Variants in DOP1A observed in about 807,000 individuals in gnomAD.
The protein encoded by DOP1A is protein DOP1A.
DOP1A carries 90 observed loss-of-function variants against 267.6 expected under a neutral mutation model. The ratio of observed to expected loss-of-function variants is 0.34; its 90% CI spans 0.28 to 0.40. The LOEUF (loss-of-function observed/expected upper bound fraction) is 0.40, where lower values mean the gene tolerates loss of function less well. DOP1A is among the 10% of genes least tolerant of loss of function. DOP1A has a pLI of 1.00. For missense variants in DOP1A, 2,437 were observed against 2,900.4 expected, an observed-to-expected ratio of 0.84 and a Z score of 3.67; for synonymous variants, 932 against 999.1, an observed-to-expected ratio of 0.93 and a Z score of 1.27.
Position 83,147,234 on chromosome 6 carries a change from A to G in DOP1A, c.5677-2A>G. On this transcript the variant is annotated splice_acceptor_variant, in intron 25 of 38. Coordinates refer to ENST00000349129, the MANE Select transcript of DOP1A (RefSeq NM_015018.4). LOFTEE classifies it high-confidence loss of function. ...TACAAAATTGATTTCTTTTATTTAT[A>G]GAAACATCTTTCTTTGGAAGTCTGC... 6.9e-7 allele frequency: 1 copy of G among 1,451,766 alleles called. No individual in the cohort carries two copies. The highest frequency in any genetic ancestry group is 2.3e-5 in the East Asian group (1 of 42,942). 89.9% of individuals were successfully genotyped at this position (1,451,766 alleles called of 1,614,324 possible).
chr6:83,105,615 G>A (rs780140440), intron 4 of DOP1A, among the ~76,000 whole-genome samples: 1 of 151,902 alleles, frequency 6.6e-6, no homozygotes, highest in Non-Finnish European at 1.5e-5. Flanking sequence ...CGCCTGCCTC[G>A]GCCTCCCAAA....
Position 83,140,410 on chromosome 6 carries a change from C to T in DOP1A, c.5415+7C>T. The T allele has an allele frequency of 6.3e-7, 1 of 1,592,284 alleles. No individual in the cohort carries two copies. Among genetic ancestry groups the T allele is most frequent in the Non-Finnish European group, 8.5e-7 (1 of 1,171,666 alleles). On this transcript the variant is annotated splice_region_variant and intron_variant, in intron 23 of 38. Coordinates refer to ENST00000349129, the MANE Select transcript of DOP1A (RefSeq NM_015018.4). ...TAATCTTGGAGCTACAAAGGTTAGACAATTCATATTTAATCTGTAGAGCTC... is the reference window on the plus strand; with the variant it reads ...TAATCTTGGAGCTACAAAGGTTAGATAATTCATATTTAATCTGTAGAGCTC...
At position 83,141,900 on chromosome 6, in the gene DOP1A, ATTTGCTTCAAATTGT is replaced by A; in HGVS notation, c.5416-17_5416-3del. The A allele has an allele frequency of 6.3e-7, 1 of 1,575,594 alleles. No individual in the cohort carries two copies. The highest frequency in any genetic ancestry group is 8.6e-7 in the Non-Finnish European group (1 of 1,167,986). ...TTCATTTTTTAAAAGTTTCACTTTC[ATTTGCTTCAAATTGT>A]TTTAGAACTTGAGACAACAGATTCT... On this transcript the variant is annotated splice_polypyrimidine_tract_variant and splice_region_variant and intron_variant, in intron 23 of 38. Transcript: ENST00000349129.
chr6:83,102,613 G>T (rs1319067136), intron 4 of DOP1A, among the ~76,000 whole-genome samples: 2 of 152,114 alleles, frequency 1.3e-5, no homozygotes, highest in East Asian at 1.9e-4. Context: ...TCTAGCTCAG[G>T]CTTCGTCACT....
chr6:83,168,658 C>T, downstream of DOP1A: 1 of 994,974 alleles, frequency 1.0e-6, no homozygotes, highest in Non-Finnish European at 1.2e-6. Flanking sequence ...GACCATGCAT[C>T]CTTAAAAGTA....
chr6:83,163,124 C>A (rs766967956), intron 38 of DOP1A, among the ~76,000 whole-genome samples: 1 of 151,928 alleles, frequency 6.6e-6, no homozygotes, highest in Admixed American at 6.6e-5. Context: ...AAGGAATATG[C>A]GGTTATTCAT....
At position 83,167,762 on chromosome 6, in the gene DOP1A, T is replaced by C. The variant is rs548948427; in HGVS notation, c.7093-100T>C. ...GTTAGAAACTTAATGTCATTTGTAT[T>C]CATTTCTTGACCAATTGCCAAAGTT... On this transcript the variant is annotated intron_variant, in intron 38 of 38. Transcript: ENST00000349129. 2.8e-6 allele frequency: 4 copies of C among 1,452,590 alleles called. No individual in the cohort carries two copies. The East Asian group carries it at 7.5e-5, about 27-fold the overall frequency. The allele number at this position is 1,452,590 out of a possible 1,614,324, so 90.0% of individuals were successfully genotyped here.
chr6:83,153,693 C>A, intron 31 of DOP1A, 73 bp downstream of exon 31: 4 of 1,277,522 alleles, frequency 3.1e-6, no homozygotes, highest in East Asian at 2.5e-5. Flanking sequence ...TCCCTTATTG[C>A]CATTTCTAGA....
rs146313127 is a variant in DOP1A at position 83,148,762 on chromosome 6, T to G, written c.5736T>G (p.Ile1912Met). 6.5e-7 allele frequency: 1 copy of G among 1,546,522 alleles called. No homozygotes were observed. Among genetic ancestry groups the G allele is most frequent in the Non-Finnish European group, 8.7e-7 (1 of 1,155,764 alleles). Reference sequence around the variant, plus strand: ...TATAAACTATATTATCTTGCAGAATTCCAGTGCCCAATTTAGTGGATAGCT... The same window carrying G: ...TATAAACTATATTATCTTGCAGAATGCCAGTGCCCAATTTAGTGGATAGCT... Reference protein sequence around the residue: ...LQFFYAYIQRIPVPNLVDSWA... With the variant: ...LQFFYAYIQRMPVPNLVDSWA... The change falls in exon 27 of 39, where the codon ATT becomes ATG. Residue 1912 changes from isoleucine to methionine, a missense_variant. This residue lies in a region of DOP1A where 216 missense variants were observed against 283.3 expected (regional missense o/e 0.76). Transcript: ENST00000349129.
chr6:83,118,251 T>G (rs994182021), intron 7 of DOP1A, among the ~76,000 whole-genome samples: 1 of 152,164 alleles, frequency 6.6e-6, no homozygotes, highest in Non-Finnish European at 1.5e-5. Flanking sequence ...TTTTATAAAT[T>G]TACCTCTTTT....
chr6:83,082,656 A>C (rs1768322686), intron 1 of DOP1A, among the ~76,000 whole-genome samples: 1 of 152,226 alleles, frequency 6.6e-6, no homozygotes, highest in East Asian at 1.9e-4. Context: ...AAGTGTTCTT[A>C]CCACAAAAAT....
chr6:83,158,653 AT>A (rs749575766), intron 36 of DOP1A, 31 bp downstream of exon 36: 16 of 1,460,326 alleles, frequency 1.1e-5, no homozygotes, highest in Admixed American at 1.8e-5. Context: ...ATTGTTGTCC[AT>A]TTTTTAATAC....
chr6:83,164,547 C>CT (rs1784985696), intron 38 of DOP1A: 2 of 1,013,332 alleles, frequency 2.0e-6, no homozygotes, highest in Admixed American at 4.1e-5. Flanking sequence ...AATAAGAAAA[C>CT]TATTTTGATT....
chr6:83,130,967 G>A (rs186801673), intron 17 of DOP1A, among the ~76,000 whole-genome samples: 146 of 151,998 alleles, frequency 9.6e-4, no homozygotes, highest in Admixed American at 9.1e-3. Context: ...TCAAACTCCC[G>A]ACCTCAGTAA....
rs756913283 is a variant in DOP1A, at chr6:83,162,881, G to A, written c.7054G>A (p.Val2352Met). The part of the protein sequence containing the change: ...GIHQREFKPY[V>M]VRLAKLLRKR... ...ACATCAACGAGAATTTAAACCTTAC[G>A]TGGTACGACTAGCAAAACTTCTTCG... Residue 2352 changes from valine to methionine, a missense_variant, in exon 38 of 39, where the codon GTG becomes ATG. Physicochemically the swap from Val to Met is conservative, Grantham distance 21. Around this residue, in one of 9 missense-constraint regions of DOP1A, gnomAD observed 197 missense variants for 246.5 expected, o/e 0.80. Transcript: ENST00000349129. 7 of 1,613,046 alleles carry A rather than the reference G, an allele frequency of 4.3e-6. No homozygotes were observed. In the East Asian group the frequency reaches 6.7e-5, roughly 15 times the overall value.
In DOP1A at chr6:83,125,635, A is replaced by G; in HGVS notation, c.1621A>G (p.Ser541Gly). The G allele has an allele frequency of 6.2e-7, 1 of 1,613,880 alleles. No individual in the cohort carries two copies. The change falls in exon 15 of 39, where the codon AGC (serine) becomes GGC (glycine). Residue 541 changes from serine to glycine, a missense_variant. Ser to Gly is a moderately conservative substitution (Grantham distance 56). This residue lies in a region of DOP1A where 498 missense variants were observed against 513.5 expected (regional missense o/e 0.97). Coordinates refer to ENST00000349129, the MANE Select transcript of DOP1A (RefSeq NM_015018.4). Reference sequence around the variant, plus strand: ...TCTCAGACTCTGCTCAAAGATCCTTAGCAAGGTTCAGCCTCCACTGTTATC... The same window carrying G: ...TCTCAGACTCTGCTCAAAGATCCTTGGCAAGGTTCAGCCTCCACTGTTATC... ...DSLRLCSKIL[S>G]KVQPPLLSAS...
chr6:83,162,015 A>G (rs1482998656), intron 37 of DOP1A, among the ~76,000 whole-genome samples: 1 of 152,202 alleles, frequency 6.6e-6, no homozygotes, highest in Non-Finnish European at 1.5e-5. Flanking sequence ...TATGTAATTT[A>G]TATCAAATAA....
chr6:83,110,058 A>C, intron 5 of DOP1A, 67 bp from the exon 6 acceptor site: 1 of 1,468,280 alleles, frequency 6.8e-7, no homozygotes, highest in Non-Finnish European at 9.1e-7. Context: ...TTTGGAAAAG[A>C]ATGATTTATT....
rs778355187 is a variant in DOP1A at position 83,153,920 on chromosome 6, C to T, written c.6266C>T (p.Ala2089Val). The change falls in exon 32 of 39, where the codon GCT (alanine) becomes GTT (valine). Residue 2089 changes from alanine to valine, a missense_variant. Around this residue, in one of 9 missense-constraint regions of DOP1A, gnomAD observed 216 missense variants for 283.3 expected, o/e 0.76. Coordinates refer to ENST00000349129, the MANE Select transcript of DOP1A (RefSeq NM_015018.4). ...HSAHNAPSYR[A>V]CVQLLSSLSG... is the part of the protein sequence containing the mutation. ...GCACATAATGCCCCTAGTTATCGAG[C>T]TTGTGTCCAGCTGCTCAGCAGTCTT... 1 of 1,613,142 alleles carries T rather than the reference C, an allele frequency of 6.2e-7. No individual in the cohort carries two copies. Among genetic ancestry groups the T allele is most frequent in the South Asian group, 1.1e-5 (1 of 90,792 alleles).
Sources: gnomAD v4.1 joint callset for allele counts (sites outside exome capture counted in the v4.1 genomes callset) on GRCh38, gnomAD v4.1.1 for gene constraint, gnomAD v4.1.1 regional missense constraint, MANE v1.5 for transcripts, NCBI Gene and HGNC (gene_info 2026-07-23, HGNC 2026-07-21) for gene names.